The following GRIN2B variants were observed in gnomAD, a reference collection of about 807,000 sequenced individuals.
The protein encoded by GRIN2B is glutamate receptor ionotropic, NMDA 2B.
In GRIN2B, 5 loss-of-function variants were observed where a neutral mutation model predicts 114.5. That is an observed-to-expected ratio of 0.04 (90% CI 0.02 to 0.09). The LOEUF (loss-of-function observed/expected upper bound fraction) is 0.09. GRIN2B is among the 10% of genes least tolerant of loss of function. The pLI is 1.00. For synonymous variants in GRIN2B, 787 were observed against 745.1 expected (o/e 1.06, Z -0.92); for missense variants, 1,108 against 1,943.5 (o/e 0.57, Z 8.08).
chr12:13,615,321 C>T lies in GRIN2B; in HGVS notation c.1501-54G>A. The T allele has an allele frequency of 2.5e-6, 4 of 1,577,812 alleles. No individual in the cohort carries two copies. Among genetic ancestry groups the T allele is most frequent in the Non-Finnish European group, 3.5e-6 (4 of 1,147,342 alleles). ...AAACATTCAGGAGGGCAAGGGACCA[C>T]CACAAGGAAAATACAGCCTATCAGT... On this transcript the variant is annotated intron_variant, in intron 7 of 13. Transcript: ENST00000609686. The surrounding 1 kb of genome is among the most constrained non-coding windows in gnomAD (Gnocchi z 5.8).
rs114228427 is a variant in GRIN2B, at chr12:13,623,797, A to G, written c.1126-7140T>C. On this transcript the variant is annotated intron_variant, in intron 5 of 13. Coordinates refer to ENST00000609686, the MANE Select transcript of GRIN2B (RefSeq NM_000834.5). ...TTTACTGTTTTTCTTTTGCAGTAGA[A>G]CATAATATTCTTCTTAAATGGAGGG... Among the ~76,000 whole-genome samples, 499 of 152,260 alleles carry G rather than the reference A, an allele frequency of 3.3e-3. 4 individuals carry two copies. The highest frequency in any genetic ancestry group is 0.012 in the African/African-American group (482 of 41,540).
chr12:13,975,787 A>T (rs1863009058), intron 2 of GRIN2B, among the ~76,000 whole-genome samples: 1 of 152,194 alleles, frequency 6.6e-6, no homozygotes, highest in Non-Finnish European at 1.5e-5. Flanking sequence ...CAGGGCATAT[A>T]AACAAAGTCA....
chr12:13,590,512 G>C lies in GRIN2B; in HGVS notation c.2010+18091C>G, dbSNP rs1948993454. ...TGTTTGGTTTTCTGTTCCTGTGTTA[G>C]TTTCTCACTAGTTTGTTGAGAATGA... On this transcript the variant is annotated intron_variant, in intron 10 of 13. Transcript: ENST00000609686. 3.3e-5 allele frequency among the ~76,000 whole-genome samples: 5 copies of C among 152,036 alleles called. 1 individual carries two copies. The South Asian group carries it at 1.0e-3, about 32-fold the overall frequency.
At chr12:13,751,799 A>G (rs1413644726) in intron 4 of GRIN2B, among the ~76,000 whole-genome samples, 1 of 152,192 alleles carries the variant, frequency 6.6e-6, no homozygotes, top group Non-Finnish European at 1.5e-5. Flanking sequence ...ATATACAGAC[A>G]TTAATTGTAT....
intron 2 of GRIN2B, among the ~76,000 whole-genome samples, chr12:13,877,186 A>G (rs1021576166): frequency 6.6e-6 from 1 of 152,166 alleles, no homozygotes; most frequent in African/African-American, 2.4e-5. Context: ...TCTCTGAGCT[A>G]TAGGATGGTT....
At chr12:13,777,010 T>G (rs1440747352) in intron 3 of GRIN2B, among the ~76,000 whole-genome samples, 1 of 152,108 alleles carries the variant, frequency 6.6e-6, no homozygotes, top group Admixed American at 6.5e-5. Flanking sequence ...GGGACACTAA[T>G]GGGTGTCCCT....
chr12:13,803,697 TC>T (rs1199245668), intron 3 of GRIN2B, among the ~76,000 whole-genome samples: 1 of 152,162 alleles, frequency 6.6e-6, no homozygotes, highest in Non-Finnish European at 1.5e-5. Context: ...TTAAAAGGCT[TC>T]TTTCATGTTC....
chr12:13,896,099 T>G (rs766200443), intron 2 of GRIN2B, among the ~76,000 whole-genome samples: 1 of 152,086 alleles, frequency 6.6e-6, no homozygotes, highest in Non-Finnish European at 1.5e-5. Flanking sequence ...AAATAGAAAA[T>G]AAAGTACACA....
intron 2 of GRIN2B, among the ~76,000 whole-genome samples, chr12:13,940,453 C>A (rs574541345): frequency 6.6e-6 from 1 of 151,988 alleles, no homozygotes; most frequent in African/African-American, 2.4e-5. Context: ...CACACACACA[C>A]GCACACACAC....
chr12:13,645,198 C>T (rs1378822885), intron 5 of GRIN2B, among the ~76,000 whole-genome samples: 3 of 152,038 alleles, frequency 2.0e-5, no homozygotes, highest in African/African-American at 7.2e-5. Flanking sequence ...CACTTGAACA[C>T]TTAGAGGCCA....
intron 5 of GRIN2B, among the ~76,000 whole-genome samples, chr12:13,666,303 G>A (rs186613696): frequency 7.2e-5 from 11 of 152,222 alleles, no homozygotes; most frequent in African/African-American, 9.6e-5. Context: ...GACCTGGAAC[G>A]CCTGTAAAAC....
At chr12:13,611,229 G>T (rs1437432094) in intron 9 of GRIN2B, among the ~76,000 whole-genome samples, 1 of 152,212 alleles carries the variant, frequency 6.6e-6, no homozygotes, top group East Asian at 1.9e-4. Context: ...CGGGCAAGGG[G>T]GTTGAACCAG....
At chr12:13,586,658 C>T (rs2136434100) in intron 10 of GRIN2B, among the ~76,000 whole-genome samples, 1 of 152,304 alleles carries the variant, frequency 6.6e-6, no homozygotes, top group South Asian at 2.1e-4. Context: ...AGTTGGAGAC[C>T]TCACTTACTC....
At chr12:13,932,952 C>CGT (rs5796568) in intron 2 of GRIN2B, among the ~76,000 whole-genome samples, 7,971 of 148,718 alleles carry the variant, frequency 0.054, 559 homozygotes, top group African/African-American at 0.17. Flanking sequence ...AGGGCTTTGT[C>CGT]GTGTGTGTGT....
At chr12:13,655,577 C>T (rs1949855672) in intron 5 of GRIN2B, among the ~76,000 whole-genome samples, 1 of 152,158 alleles carries the variant, frequency 6.6e-6, no homozygotes, top group Non-Finnish European at 1.5e-5. Flanking sequence ...AGCATAGTCT[C>T]TGGAATTCGA....
At chr12:13,940,305 T>C (rs986908539) in intron 2 of GRIN2B, among the ~76,000 whole-genome samples, 1 of 152,174 alleles carries the variant, frequency 6.6e-6, no homozygotes, top group Admixed American at 6.5e-5. Context: ...GACTGCTTTA[T>C]GATTTATGGA....
At chr12:13,935,098 C>G (rs994648102) in intron 2 of GRIN2B, among the ~76,000 whole-genome samples, 2 of 152,070 alleles carry the variant, frequency 1.3e-5, no homozygotes, top group African/African-American at 4.8e-5. Context: ...ATAGAAGGAA[C>G]AATTGGTCCA....
At chr12:13,917,795 T>C (rs1866758206) in intron 2 of GRIN2B, among the ~76,000 whole-genome samples, 1 of 152,256 alleles carries the variant, frequency 6.6e-6, no homozygotes, top group Non-Finnish European at 1.5e-5. Context: ...TGTGGGAATA[T>C]CTCACTTTAA....
chr12:13,576,463 C>T lies in GRIN2B; in HGVS notation c.2011-4499G>A, dbSNP rs367569149. ...AAACAAATTTAAAAGCCTAATATAT[C>T]AGGGAGCTCAGTAATTGAATTAAAA... On this transcript the variant is annotated intron_variant, in intron 10 of 13. Coordinates refer to ENST00000609686, the MANE Select transcript of GRIN2B (RefSeq NM_000834.5). 1.1e-3 allele frequency among the ~76,000 whole-genome samples: 169 copies of T among 152,158 alleles called. 7 individuals carry two copies. In the South Asian group the frequency reaches 0.034, roughly 31 times the overall value.
Sources: gnomAD v4.1 joint callset for allele counts (sites outside exome capture counted in the v4.1 genomes callset) on GRCh38, gnomAD v4.1.1 for gene constraint, Gnocchi (gnomAD v3.1) non-coding constraint, MANE v1.5 for transcripts, NCBI Gene and HGNC (gene_info 2026-07-23, HGNC 2026-07-21) for gene names.